USP40: variants seen among roughly 807,000 people sequenced by gnomAD.
USP40 encodes ubiquitin carboxyl-terminal hydrolase 40.
USP40 carries 143 observed loss-of-function variants against 166.2 expected under a neutral mutation model. That is an observed-to-expected ratio of 0.86 (90% CI 0.75 to 0.99). The LOEUF (loss-of-function observed/expected upper bound fraction) is 0.99. Ranked by LOEUF, USP40 falls within the 50% of genes least tolerant of loss-of-function variation. The pLI, the probability that USP40 is intolerant of heterozygous loss-of-function variation, is 0.00. For missense variants in USP40, 1,444 were observed against 1,479.7 expected (o/e 0.98, Z 0.40); for synonymous variants, 498 against 524.0 (o/e 0.95, Z 0.68).
chr2:233,529,791 C>CTT (rs1451072535), intron 11 of USP40, among the ~76,000 whole-genome samples: 2 of 132,604 alleles, frequency 1.5e-5, no homozygotes, highest in South Asian at 2.6e-4. Flanking sequence ...AGATTTTCAT[C>CTT]TTTTTTTTTT....
chr2:233,566,617 G>T, intron 1 of USP40, 67 bp downstream of exon 1: 1 of 908,362 alleles, frequency 1.1e-6, no homozygotes, highest in Non-Finnish European at 1.3e-6. Flanking sequence ...CCTCAGACTG[G>T]GCCACCAACA....
At chr2:233,484,368 C>A (rs1369170987) in intron 30 of USP40, among the ~76,000 whole-genome samples, 1 of 152,098 alleles carries the variant, frequency 6.6e-6, no homozygotes, top group Non-Finnish European at 1.5e-5. Flanking sequence ...TTTAACACTG[C>A]TAAGTATGTT....
intron 8 of USP40, among the ~76,000 whole-genome samples, chr2:233,543,143 T>C (rs1024251073): frequency 8.5e-5 from 13 of 152,222 alleles, no homozygotes; most frequent in African/African-American, 3.1e-4. Flanking sequence ...TAAGTTATTT[T>C]CATTGCCTTT....
At chr2:233,555,913 G>T (rs1345735527) in intron 5 of USP40, among the ~76,000 whole-genome samples, 1 of 151,914 alleles carries the variant, frequency 6.6e-6, no homozygotes, top group Admixed American at 6.6e-5. Flanking sequence ...AGGAGATCGA[G>T]ACCATCCTGG....
chr2:233,483,789 A>G (rs968432523), intron 30 of USP40, among the ~76,000 whole-genome samples: 1 of 152,258 alleles, frequency 6.6e-6, no homozygotes, highest in Non-Finnish European at 1.5e-5. Context: ...AATCTGAGAC[A>G]GTTCTGGTCC....
chr2:233,545,518 A>G (rs2069830176), intron 8 of USP40: 4 of 152,284 alleles, frequency 2.6e-5, no homozygotes, highest in Admixed American at 2.6e-4. Flanking sequence ...CTGTGAAGCC[A>G]AAGTCCCCCC....
In USP40 at chr2:233,565,528, C is replaced by A; in HGVS notation, c.27G>T (p.Glu9Asp). Residue 9 changes from glutamate to aspartate, a missense_variant, in exon 2 of 32, where the codon GAG (glutamate) becomes GAT (aspartate). Physicochemically the swap from Glu to Asp is conservative, Grantham distance 45. Coordinates refer to ENST00000678225, the MANE Select transcript of USP40 (RefSeq NM_001365479.2). MFGDLFEE[E>D]YSTVSNNQYG... ...ACTGATTATTAGACACAGTGGAATACTCCTCTTCAAACAGGTCCCCAAACA... is the reference window on the plus strand; with the variant it reads ...ACTGATTATTAGACACAGTGGAATAATCCTCTTCAAACAGGTCCCCAAACA... 6.5e-7 allele frequency: 1 copy of A among 1,537,262 alleles called. No individual in the cohort carries two copies.
chr2:233,554,687 A>G (rs2070891722), intron 5 of USP40, among the ~76,000 whole-genome samples, 161 bp from the exon 6 acceptor site: 1 of 152,236 alleles, frequency 6.6e-6, no homozygotes, highest in Non-Finnish European at 1.5e-5. Context: ...TCATAACACT[A>G]AATTATCCTT....
chr2:233,553,503 T>A (rs1001172691), intron 6 of USP40, among the ~76,000 whole-genome samples: 1 of 152,180 alleles, frequency 6.6e-6, no homozygotes, highest in African/African-American at 2.4e-5. Context: ...AACACCAATA[T>A]GTGGCAGAGG....
In USP40 at chr2:233,565,548, C is replaced by T. The variant is rs1459284907; in HGVS notation, c.7G>A (p.Gly3Arg). 3 of 1,536,814 alleles carry T rather than the reference C, an allele frequency of 2.0e-6. No individual in the cohort carries two copies. The highest frequency in any genetic ancestry group is 2.6e-6 in the Non-Finnish European group (3 of 1,146,762). The change falls in exon 2 of 32, where the codon GGG becomes AGG. Residue 3 changes from glycine (G) to arginine (R), a missense_variant. Physicochemically the swap from Gly to Arg is moderately radical, Grantham distance 125 (BLOSUM62 -2). Coordinates refer to ENST00000678225, the MANE Select transcript of USP40 (RefSeq NM_001365479.2). ...GAATACTCCTCTTCAAACAGGTCCCCAAACATTGTGAAACTAAATACTACC... is the reference window on the plus strand; with the variant it reads ...GAATACTCCTCTTCAAACAGGTCCCTAAACATTGTGAAACTAAATACTACC... Reference protein sequence around the residue: MFGDLFEEEYSTV... With the variant: MFRDLFEEEYSTV...
At chr2:233,478,357 G>A (rs1250614472) in intron 31 of USP40, among the ~76,000 whole-genome samples, 1 of 152,130 alleles carries the variant, frequency 6.6e-6, no homozygotes, top group Admixed American at 6.5e-5. Flanking sequence ...TCCCACTTTA[G>A]TGTTGCCAAT....
chr2:233,531,632 G>T (rs34013402), intron 11 of USP40, among the ~76,000 whole-genome samples: 12,372 of 151,980 alleles, frequency 0.081, 732 homozygotes, highest in South Asian at 0.26. Context: ...AAAATACAAA[G>T]CCTTTTTCAT....
rs1405635457 is a variant in USP40 at position 233,505,851 on chromosome 2, A to T, written c.2613+4198T>A. Among the ~76,000 whole-genome samples the T allele has an allele frequency of 1.3e-5, 2 of 152,138 alleles. 1 individual carries two copies. On this transcript the variant is annotated intron_variant, in intron 21 of 31. Transcript: ENST00000678225. Reference sequence around the variant, plus strand: ...TTATCCTGATTCCAAGACCAGATGTAGATTCAACAACAAAAAAAGAAAACT... The same window carrying T: ...TTATCCTGATTCCAAGACCAGATGTTGATTCAACAACAAAAAAAGAAAACT...
intron 18 of USP40, among the ~76,000 whole-genome samples, chr2:233,514,356 T>G (rs543002174): frequency 6.6e-6 from 1 of 152,160 alleles, no homozygotes; most frequent in South Asian, 2.1e-4. Flanking sequence ...AGAAGGAACA[T>G]CTCATATAAG....
In USP40 at chr2:233,538,511, C is replaced by T. The variant is rs184618092; in HGVS notation, c.1170+2151G>A. 6.4e-3 allele frequency among the ~76,000 whole-genome samples: 979 copies of T among 152,290 alleles called. 4 individuals carry two copies. Among genetic ancestry groups the T allele is most frequent in the African/African-American group, 0.022 (925 of 41,560 alleles). ...AAAGGAATCATAAGTTCATATTCTA[C>T]AGTCACTAAACGGATAATAAGGTGA... On this transcript the variant is annotated intron_variant, in intron 10 of 31. Coordinates refer to ENST00000678225, the MANE Select transcript of USP40 (RefSeq NM_001365479.2).
At chr2:233,498,767 A>C (rs1401409675) in intron 22 of USP40, among the ~76,000 whole-genome samples, 155 bp from the exon 23 acceptor site, 1 of 152,244 alleles carries the variant, frequency 6.6e-6, no homozygotes, top group African/African-American at 2.4e-5. Context: ...TGAGAACAGC[A>C]AAGTGTGCTA....
intron 16 of USP40, among the ~76,000 whole-genome samples, chr2:233,521,405 AG>A (rs1460056242): frequency 6.6e-6 from 1 of 152,190 alleles, no homozygotes; most frequent in Middle Eastern, 3.2e-3. Context: ...GCAAATCACT[AG>A]GGGAGCTTTA....
At chr2:233,564,333 G>T (rs1290573933) in intron 2 of USP40, among the ~76,000 whole-genome samples, 1 of 152,158 alleles carries the variant, frequency 6.6e-6, no homozygotes, top group Non-Finnish European at 1.5e-5. Flanking sequence ...ACACTGTGGA[G>T]AGCTGAGCTA....
At chr2:233,487,902 A>T in intron 28 of USP40, 1 of 548,952 alleles carries the variant, frequency 1.8e-6, no homozygotes, top group Non-Finnish European at 3.6e-6. Context: ...GAGCGACGGG[A>T]GCAATGATGA....
Sources: allele counts gnomAD v4.1 joint callset (sites outside exome capture counted in the v4.1 genomes callset), GRCh38; gene constraint gnomAD v4.1.1; transcripts MANE v1.5; gene names NCBI Gene and HGNC (gene_info 2026-07-23, HGNC 2026-07-21).